The following GBE1 variants were observed in gnomAD, a reference collection of about 807,000 sequenced individuals.
The protein encoded by GBE1 is 1,4-alpha-glucan-branching enzyme.
Under a neutral mutation model 88.8 loss-of-function variants are expected in GBE1, and 70 were observed. That is an observed-to-expected ratio of 0.79 (90% confidence interval 0.65 to 0.96). The LOEUF (loss-of-function observed/expected upper bound fraction) is 0.96. Ranked by LOEUF, GBE1 falls within the 40% of genes least tolerant of loss-of-function variation. The pLI, the probability that GBE1 is intolerant of heterozygous loss-of-function variation, is 0.00. For missense variants in GBE1, 872 were observed against 871.0 expected (o/e 1.00, Z -0.01); for synonymous variants, 284 against 300.1 (o/e 0.95, Z 0.56).
chr3:81,737,036 A>G lies in GBE1; in HGVS notation c.143+24339T>C, dbSNP rs73853480. On this transcript the variant is annotated intron_variant, in intron 1 of 15. Transcript: ENST00000429644. ...GGCTTTGGACTAAGAAGCTAGCAGT[A>G]AAGATGTACAGAATAGCAAAATTCA... Among the ~76,000 whole-genome samples, 762 of 152,002 alleles carry G rather than the reference A, an allele frequency of 5.0e-3. 2 individuals are homozygous for G. Among genetic ancestry groups the G allele is most frequent in the African/African-American group, 0.018 (731 of 41,484 alleles).
At chr3:81,721,700 C>T (rs780592131) in intron 1 of GBE1, among the ~76,000 whole-genome samples, 1 of 152,150 alleles carries the variant, frequency 6.6e-6, no homozygotes, top group African/African-American at 2.4e-5. Context: ...TCCTCAGCAT[C>T]TAGTACAGCA....
chr3:81,507,721 C>A (rs1185608285), intron 14 of GBE1, among the ~76,000 whole-genome samples: 1 of 151,458 alleles, frequency 6.6e-6, no homozygotes, highest in Non-Finnish European at 1.5e-5. Context: ...TATTAGATTA[C>A]CTTAAAATTT....
chr3:81,658,975 T>C (rs1275958469), intron 3 of GBE1, among the ~76,000 whole-genome samples: 10 of 152,146 alleles, frequency 6.6e-5, no homozygotes, highest in Admixed American at 6.5e-5. Flanking sequence ...GATACAAAAA[T>C]ATGGGATTTA....
intron 14 of GBE1, among the ~76,000 whole-genome samples, chr3:81,526,829 C>A (rs375573246): frequency 1.4e-4 from 22 of 152,082 alleles, no homozygotes; most frequent in South Asian, 6.2e-4. Flanking sequence ...CATCCCCATC[C>A]AGCTACCAAT....
intron 14 of GBE1, among the ~76,000 whole-genome samples, chr3:81,510,986 GGTATAT>G (rs1217851557): frequency 1.6e-4 from 24 of 151,846 alleles, no homozygotes; most frequent in African/African-American, 5.8e-4. Context: ...CATCTCACAA[GGTATAT>G]GTATATCAAA....
At position 81,680,458 on chromosome 3, in the gene GBE1, T is replaced by C. The variant is rs572859938; in HGVS notation, c.314-9505A>G. The stretch of plus-strand genomic sequence containing the variant: ...TTGCAGTGAGCTGAGATCACGCCAC[T>C]GCACTCCAGCCTGGGGACAGAGCGA... On this transcript the variant is annotated intron_variant, in intron 2 of 15. Transcript: ENST00000429644. Among the ~76,000 whole-genome samples the C allele has an allele frequency of 4.9e-5, 7 of 141,996 alleles. No individual in the cohort carries two copies. The East Asian group carries it at 6.2e-4, about 13-fold the overall frequency. The allele number at this position is 141,996 out of a possible 152,430, so 93.2% of individuals were successfully genotyped here. A position where few individuals can be genotyped will look rare whatever the true frequency, so the allele number is the denominator to read the frequency against.
At chr3:81,568,769 C>T (rs376336581) in intron 12 of GBE1, among the ~76,000 whole-genome samples, 24 of 151,936 alleles carry the variant, frequency 1.6e-4, no homozygotes, top group South Asian at 6.2e-4. Flanking sequence ...GTGTTAGACA[C>T]GAACGTGTGT....
At chr3:81,699,920 G>C (rs1015295275) in intron 2 of GBE1, among the ~76,000 whole-genome samples, 1 of 152,134 alleles carries the variant, frequency 6.6e-6, no homozygotes, top group Non-Finnish European at 1.5e-5. Context: ...CATAAGGCTT[G>C]GCCATGTTAT....
In GBE1 at chr3:81,737,869, A is replaced by G. The variant is rs559589313; in HGVS notation, c.143+23506T>C. ...TGCACCCACTAACTCGTCATCTAGC[A>G]TTAGGTATATCTCCCACTGCTATTC... On this transcript the variant is annotated intron_variant, in intron 1 of 15. Transcript: ENST00000429644. 5.0e-4 allele frequency among the ~76,000 whole-genome samples: 76 copies of G among 152,272 alleles called. No homozygotes were observed. In the South Asian group the frequency reaches 9.7e-3, roughly 20 times the overall value.
At chr3:81,641,085 G>A (rs1704672025) in intron 7 of GBE1, among the ~76,000 whole-genome samples, 1 of 152,012 alleles carries the variant, frequency 6.6e-6, no homozygotes. Flanking sequence ...ATAAACATGT[G>A]AATAAAATAA....
intron 2 of GBE1, among the ~76,000 whole-genome samples, chr3:81,692,154 G>T (rs1203740203): frequency 6.6e-6 from 1 of 152,184 alleles, no homozygotes; most frequent in Non-Finnish European, 1.5e-5. Context: ...GTGAGGACTG[G>T]TAGTTGGCCA....
intron 2 of GBE1, among the ~76,000 whole-genome samples, chr3:81,672,114 T>C (rs1322935919): frequency 6.6e-6 from 1 of 151,976 alleles, no homozygotes; most frequent in African/African-American, 2.4e-5. Flanking sequence ...CTCAGGACAT[T>C]GGCAAAAATT....
chr3:81,748,481 G>C (rs1029406312), intron 1 of GBE1, among the ~76,000 whole-genome samples: 4 of 151,626 alleles, frequency 2.6e-5, no homozygotes, highest in Non-Finnish European at 5.9e-5. Context: ...TGTGGTGGCG[G>C]GCGCCTGTAG....
intron 7 of GBE1, among the ~76,000 whole-genome samples, chr3:81,599,495 A>T (rs1430021143): frequency 6.6e-6 from 1 of 152,216 alleles, no homozygotes; most frequent in African/African-American, 2.4e-5. Flanking sequence ...CCTAGGCTAT[A>T]TGGTATACAG....
chr3:81,571,405 A>G (rs1208331460), intron 12 of GBE1, among the ~76,000 whole-genome samples: 2 of 152,210 alleles, frequency 1.3e-5, no homozygotes, highest in Non-Finnish European at 2.9e-5. Context: ...TAATGACAAC[A>G]CAGGTTTTCA....
intron 12 of GBE1, among the ~76,000 whole-genome samples, chr3:81,551,217 T>C (rs1703268696): frequency 6.6e-6 from 1 of 152,218 alleles, no homozygotes; most frequent in Non-Finnish European, 1.5e-5. Context: ...TCAGATAACA[T>C]GCTTAATTGC....
chr3:81,665,425 G>A (rs1003000828), intron 3 of GBE1, among the ~76,000 whole-genome samples: 2 of 151,712 alleles, frequency 1.3e-5, no homozygotes, highest in Non-Finnish European at 2.9e-5. Context: ...AGTCCCAGCT[G>A]CTCGAGAGGC....
chr3:81,758,863 C>G (rs1706638576), intron 1 of GBE1, among the ~76,000 whole-genome samples: 1 of 152,132 alleles, frequency 6.6e-6, no homozygotes, highest in South Asian at 2.1e-4. Flanking sequence ...GGTTGTGTCC[C>G]CACTCAGATC....
intron 15 of GBE1, among the ~76,000 whole-genome samples, chr3:81,496,121 A>G (rs1462997201): frequency 1.3e-5 from 2 of 152,228 alleles, no homozygotes; most frequent in African/African-American, 2.4e-5. Context: ...AAGTTCCGGT[A>G]TCAGGAATCA....
Sources: gnomAD v4.1 joint callset for allele counts (sites outside exome capture counted in the v4.1 genomes callset) on GRCh38, gnomAD v4.1.1 for gene constraint, MANE v1.5 for transcripts, NCBI Gene and HGNC (gene_info 2026-07-23, HGNC 2026-07-21) for gene names.